Variants in DSG4 observed in about 807,000 individuals in gnomAD.
DSG4 encodes desmoglein 4, also known as desmoglein-4.
Under a neutral mutation model 93.1 loss-of-function variants are expected in DSG4, and 87 were observed. The ratio of observed to expected loss-of-function variants is 0.93; its 90% CI spans 0.79 to 1.12. The LOEUF (loss-of-function observed/expected upper bound fraction) is 1.12, where lower values mean the gene tolerates loss of function less well. Ranked by LOEUF, DSG4 falls within the 50% of genes most tolerant of loss-of-function variation. DSG4 has a pLI of 0.00. For missense variants in DSG4, 1,373 were observed against 1,285.7 expected, an observed-to-expected ratio of 1.07 and a Z score of -1.04; for synonymous variants, 432 against 452.9, an observed-to-expected ratio of 0.95 and a Z score of 0.59.
In DSG4 at chr18:31,377,060, C is replaced by G. The variant is rs547846016; in HGVS notation, c.48+101C>G. 2.3e-6 allele frequency: 3 copies of G among 1,280,648 alleles called. No individual in the cohort carries two copies. In the African/African-American group the frequency reaches 4.5e-5, roughly 19 times the overall value. 79.3% of individuals were successfully genotyped at this position (1,280,648 alleles called of 1,614,324 possible). A position where few individuals can be genotyped will look rare whatever the true frequency, so the allele number is the denominator to read the frequency against. Reference sequence around the variant, plus strand: ...ATGGGATTTATTCCATTTTTAATCTCCTTCCTGCAAAGAGAGTTCTAGAAG... The same window carrying G: ...ATGGGATTTATTCCATTTTTAATCTGCTTCCTGCAAAGAGAGTTCTAGAAG... On this transcript the variant is annotated intron_variant, in intron 1 of 15. Coordinates refer to ENST00000308128, the MANE Select transcript of DSG4 (RefSeq NM_177986.5).
At chr18:31,396,477 C>T (rs976771244) in intron 8 of DSG4, among the ~76,000 whole-genome samples, 7 of 150,300 alleles carry the variant, frequency 4.7e-5, no homozygotes, top group African/African-American at 1.7e-4. Flanking sequence ...GCATCAGCCT[C>T]CGGAGTAGCT....
At position 31,413,569 on chromosome 18, in the gene DSG4, A is replaced by G; in HGVS notation, c.3097A>G (p.Ser1033Gly). Residue 1033 changes from serine (S) to glycine (G), a missense_variant, in exon 16 of 16, where the codon AGT (serine) becomes GGT (glycine). Transcript: ENST00000308128. ...ATCTCGACACAGAGTAACACGATAC[A>G]GTAACATACATTACACCCAACAGTA... ...MTSRHRVTRY[S>G]NIHYTQQ The G allele has an allele frequency of 6.2e-7, 1 of 1,614,016 alleles. No homozygotes were observed. Among genetic ancestry groups the G allele is most frequent in the Non-Finnish European group, 8.5e-7 (1 of 1,180,010 alleles).
In DSG4 at chr18:31,406,068, C is replaced by A. The variant is rs2072421499; in HGVS notation, c.1637-9C>A. On this transcript the variant is annotated splice_polypyrimidine_tract_variant and intron_variant, in intron 11 of 15. Coordinates refer to ENST00000308128, the MANE Select transcript of DSG4 (RefSeq NM_177986.5). ...CCATTTATTTTCTGTTTCCTCTCTT[C>A]CATTTCAGCTACCTCGGCAATCCTT... is the stretch of plus-strand genomic sequence containing the variant. 4 of 1,613,928 alleles carry A rather than the reference C, an allele frequency of 2.5e-6. No individual in the cohort carries two copies. Among genetic ancestry groups the A allele is most frequent in the Non-Finnish European group, 3.4e-6 (4 of 1,180,016 alleles).
intron 9 of DSG4, 76 bp from the exon 10 acceptor site, chr18:31,400,805 C>T (rs1213273861): frequency 2.7e-6 from 4 of 1,489,714 alleles, no homozygotes; most frequent in Non-Finnish European, 3.7e-6. Flanking sequence ...AAGTTTGCCA[C>T]ATTGTAGCTG....
chr18:31,412,095 T>A (rs5022334), intron 15 of DSG4, among the ~76,000 whole-genome samples: 1 of 152,034 alleles, frequency 6.6e-6, no homozygotes, highest in Non-Finnish European at 1.5e-5. Flanking sequence ...GCAGCACTAG[T>A]CACGTAGCCA....
chr18:31,400,649 C>A lies in DSG4; in HGVS notation c.1278-232C>A, dbSNP rs17660078. Among the ~76,000 whole-genome samples, 5,926 of 152,076 alleles carry A rather than the reference C, an allele frequency of 0.039. 131 individuals are homozygous for A. Among genetic ancestry groups the A allele is most frequent in the South Asian group, 0.08 (384 of 4,816 alleles). ...CTCATACATTTTATTAACAATTATC[C>A]TAGGAGCCAGAAGAGTAAAAATGAT... On this transcript the variant is annotated intron_variant, in intron 9 of 15. Coordinates refer to ENST00000308128, the MANE Select transcript of DSG4 (RefSeq NM_177986.5).
Position 31,388,472 on chromosome 18 carries a change from G to A in DSG4, c.322G>A (p.Glu108Lys), listed in dbSNP as rs868142301. The A allele has an allele frequency of 6.2e-7, 1 of 1,613,418 alleles. No homozygotes were observed. The change falls in exon 4 of 16, where the codon GAA becomes AAA. Residue 108 changes from glutamate to lysine, a missense_variant. Physicochemically the swap from Glu to Lys is moderately conservative, Grantham distance 56. Coordinates refer to ENST00000308128, the MANE Select transcript of DSG4 (RefSeq NM_177986.5). ...ATTCACCATTAATCCTCGCACTGGG[G>A]AAATTAACATCACTTCAGTGGTAGA... ...GVFTINPRTG[E>K]INITSVVDRE...
intron 8 of DSG4, among the ~76,000 whole-genome samples, 186 bp from the exon 9 acceptor site, chr18:31,399,086 A>G (rs370825015): frequency 3.3e-5 from 5 of 152,356 alleles, no homozygotes; most frequent in African/African-American, 1.2e-4. Flanking sequence ...TTATGCTAAA[A>G]GATGAACAGA....
chr18:31,404,846 C>G (rs894448475), intron 11 of DSG4, among the ~76,000 whole-genome samples: 3 of 152,006 alleles, frequency 2.0e-5, no homozygotes, highest in Non-Finnish European at 2.9e-5. Context: ...CACTTTTTTC[C>G]TCATTCGGAT....
chr18:31,413,139 A>C lies in DSG4; in HGVS notation c.2667A>C (p.Glu889Asp). The C allele has an allele frequency of 6.2e-7, 1 of 1,614,158 alleles. No individual in the cohort carries two copies. Among genetic ancestry groups the C allele is most frequent in the African/African-American group, 1.3e-5 (1 of 75,036 alleles). ...ESSGLTPSEVEFQEEMAASEP... is the reference protein window; with the variant it reads ...ESSGLTPSEVDFQEEMAASEP... Reference sequence around the variant, plus strand: ...CAGGATTGACTCCCTCAGAAGTTGAATTCCAAGAAGAAATGGCAGCATCTG... The same window carrying C: ...CAGGATTGACTCCCTCAGAAGTTGACTTCCAAGAAGAAATGGCAGCATCTG... The change falls in exon 16 of 16, where the codon GAA becomes GAC. Residue 889 changes from glutamate (E) to aspartate (D), a missense_variant. Glu to Asp is a conservative substitution (Grantham distance 45). Transcript: ENST00000308128.
intron 1 of DSG4, among the ~76,000 whole-genome samples, chr18:31,384,335 G>A (rs1311166166): frequency 6.7e-6 from 1 of 148,432 alleles, no homozygotes; most frequent in African/African-American, 2.5e-5. Context: ...AGAGAAAAAT[G>A]TTTGTTTACA....
rs143590546 is a variant in DSG4 at position 31,399,394 on chromosome 18, T to C, written c.1128T>C (p.Val376=). ...ACCCAACCCCTGTGAGAATTCAAGT[T>C]GTTGATGTGAGAGAAGGACCTGCAT... ...QMHPTPVRIQ[V]VDVREGPAFH... is the part of the protein sequence containing the mutation. Residue 376 remains valine, a synonymous_variant, in exon 9 of 16, where the codon GTT becomes GTC. Coordinates refer to ENST00000308128, the MANE Select transcript of DSG4 (RefSeq NM_177986.5). 2.2e-3 allele frequency: 3,551 copies of C among 1,614,126 alleles called. 14 individuals carry two copies. Among genetic ancestry groups the C allele is most frequent in the Admixed American group, 5.7e-3 (341 of 60,020 alleles).
intron 2 of DSG4, among the ~76,000 whole-genome samples, chr18:31,385,746 A>C (rs1459062913): frequency 1.3e-5 from 2 of 152,162 alleles, no homozygotes; most frequent in Non-Finnish European, 2.9e-5. Context: ...AATAGGTGGT[A>C]CATTTCAGTA....
intron 15 of DSG4, 56 bp downstream of exon 15, chr18:31,411,504 T>C (rs2072492712): frequency 1.3e-6 from 2 of 1,578,464 alleles, no homozygotes; most frequent in Admixed American, 3.3e-5. Flanking sequence ...ATAATAATAG[T>C]AAAATACTCA....
chr18:31,386,969 T>G (rs1204223411), intron 3 of DSG4, 150 bp downstream of exon 3: 1 of 1,333,590 alleles, frequency 7.5e-7, no homozygotes, highest in Non-Finnish European at 1.0e-6. Flanking sequence ...CTGATTTGAA[T>G]ATCATGTGCA....
chr18:31,391,043 A>G (rs2072243119), intron 6 of DSG4, 35 bp from the exon 7 acceptor site: 11 of 1,612,670 alleles, frequency 6.8e-6, no homozygotes, highest in Non-Finnish European at 9.3e-6. Context: ...TCAAGACAAA[A>G]CCTAAGTCTT....
Position 31,413,455 on chromosome 18 carries a change from A to G in DSG4, c.2983A>G (p.Ile995Val), listed in dbSNP as rs746488454. The G allele has an allele frequency of 1.2e-6, 2 of 1,612,206 alleles. No homozygotes were observed. Among genetic ancestry groups the G allele is most frequent in the East Asian group, 4.5e-5 (2 of 44,828 alleles). ...TATGGGACCTGTGATGAGCGGCAAT[A>G]TTTTAGTAGGGCCAGAAATTCAAGT... ...GCMGPVMSGN[I>V]LVGPEIQVMQ... The change falls in exon 16 of 16, where the codon ATT becomes GTT. Residue 995 changes from isoleucine (I) to valine (V), a missense_variant. Physicochemically the swap from Ile to Val is conservative, Grantham distance 29. Transcript: ENST00000308128.
At chr18:31,381,960 C>T (rs1252001846) in intron 1 of DSG4, among the ~76,000 whole-genome samples, 11 of 152,124 alleles carry the variant, frequency 7.2e-5, no homozygotes, top group East Asian at 1.9e-4. Context: ...TAAGCCACCA[C>T]GCCCAGCCAA....
intron 1 of DSG4, among the ~76,000 whole-genome samples, chr18:31,378,525 T>C (rs2072101358): frequency 6.6e-6 from 1 of 152,228 alleles, no homozygotes; most frequent in Admixed American, 6.6e-5. Flanking sequence ...TTCTCCTTGA[T>C]CTTGAAAGAG....
Sources: allele counts gnomAD v4.1 joint callset (sites outside exome capture counted in the v4.1 genomes callset), GRCh38; gene constraint gnomAD v4.1.1; transcripts MANE v1.5; gene names NCBI Gene and HGNC (gene_info 2026-07-23, HGNC 2026-07-21).